Variants in RALGAPA2 observed in about 807,000 individuals in gnomAD.
The protein encoded by RALGAPA2 is ral GTPase-activating protein subunit alpha-2.
A neutral mutation model predicts 230.4 loss-of-function variants in RALGAPA2; 139 were observed. The ratio of observed to expected loss-of-function variants is 0.60; its 90% CI spans 0.53 to 0.69. RALGAPA2 has a LOEUF of 0.69. Ranked by LOEUF, RALGAPA2 falls within the 30% of genes least tolerant of loss-of-function variation. RALGAPA2 has a pLI of 0.00. For missense variants in RALGAPA2, 2,163 were observed against 2,276.0 expected (o/e 0.95, Z 1.01); for synonymous variants, 847 against 837.8 (o/e 1.01, Z -0.19).
intron 25 of RALGAPA2, 91 bp from the exon 26 acceptor site, chr20:20,535,894 T>A: frequency 6.9e-7 from 1 of 1,456,364 alleles, no homozygotes; most frequent in Non-Finnish European, 9.1e-7. Context: ...CAGGAGCTAC[T>A]GAAGTTCGAC....
intron 13 of RALGAPA2, 122 bp from the exon 14 acceptor site, chr20:20,611,548 AT>A (rs1464658838): frequency 1.0e-4 from 145 of 1,405,514 alleles, no homozygotes; most frequent in Non-Finnish European, 1.3e-4. Context: ...ACTCGAAACT[AT>A]TAAAGTCCAG....
At chr20:20,547,577 C>T (rs1296284925) in intron 23 of RALGAPA2, among the ~76,000 whole-genome samples, 5 of 152,192 alleles carry the variant, frequency 3.3e-5, no homozygotes. Flanking sequence ...ATCAGGGGTC[C>T]ACCACTGGAC....
chr20:20,440,261 T>C lies in RALGAPA2; in HGVS notation c.5496-28113A>G, dbSNP rs6106249. On this transcript the variant is annotated intron_variant, in intron 37 of 39. Transcript: ENST00000202677. ...AAGAAACAGGGTATTTGGGTTACTA[T>C]GGAATTCGGGCCAAAATAAAGTTTT... Among the ~76,000 whole-genome samples, 453 of 152,318 alleles carry C rather than the reference T, an allele frequency of 3.0e-3. 3 individuals are homozygous for C. Among genetic ancestry groups the C allele is most frequent in the African/African-American group, 0.01 (430 of 41,564 alleles).
intron 38 of RALGAPA2, among the ~76,000 whole-genome samples, chr20:20,405,619 G>A (rs899636760): frequency 1.3e-5 from 2 of 152,210 alleles, no homozygotes; most frequent in African/African-American, 4.8e-5. Context: ...AGCCTAAAGT[G>A]GTGCTAAACA....
intron 37 of RALGAPA2, among the ~76,000 whole-genome samples, chr20:20,415,242 T>C (rs533665286): frequency 6.6e-6 from 1 of 152,320 alleles, no homozygotes; most frequent in African/African-American, 2.4e-5. Flanking sequence ...GCTTTTCACA[T>C]GTAAGACATG....
chr20:20,545,252 G>C (rs940009005), intron 24 of RALGAPA2, among the ~76,000 whole-genome samples: 1 of 151,676 alleles, frequency 6.6e-6, no homozygotes, highest in Non-Finnish European at 1.5e-5. Context: ...TTAAGAGATG[G>C]GGTCTTGTTA....
intron 36 of RALGAPA2, among the ~76,000 whole-genome samples, chr20:20,489,628 T>C (rs899088843): frequency 2.0e-5 from 3 of 151,718 alleles, no homozygotes; most frequent in East Asian, 1.9e-4. Context: ...AAGTATAGCA[T>C]AGAAAATACT....
chr20:20,712,457 C>T lies in RALGAPA2; in HGVS notation c.24G>A (p.Gly8=). The change falls in exon 1 of 40, where the codon GGG becomes GGA. Residue 8 remains glycine (G), a synonymous_variant. Transcript: ENST00000202677. This position sits in a 1 kb window ranked among gnomAD's most constrained non-coding sequence, Gnocchi z 5.5. ...CCTTCTGGGTGGACTTCTTCACATC[C>T]CCGTGGCTCCTTCGGGAGAACATCC... is the stretch of plus-strand genomic sequence containing the variant. MFSRRSH[G]DVKKSTQKVL... is the part of the protein sequence containing the mutation. The T allele has an allele frequency of 6.4e-7, 1 of 1,552,434 alleles. No homozygotes were observed. The highest frequency in any genetic ancestry group is 8.7e-7 in the Non-Finnish European group (1 of 1,147,652).
chr20:20,468,882 C>T (rs1478929547), intron 37 of RALGAPA2, among the ~76,000 whole-genome samples: 1 of 152,086 alleles, frequency 6.6e-6, no homozygotes, highest in Non-Finnish European at 1.5e-5. Context: ...TTCGACGAGA[C>T]CCCTGCTCTC....
At chr20:20,407,782 C>G (rs2059976094) in intron 38 of RALGAPA2, among the ~76,000 whole-genome samples, 1 of 152,134 alleles carries the variant, frequency 6.6e-6, no homozygotes, top group African/African-American at 2.4e-5. Flanking sequence ...CAATAATAAC[C>G]CTTTCCACGA....
chr20:20,660,116 C>A (rs991284409), intron 3 of RALGAPA2, among the ~76,000 whole-genome samples: 1 of 151,918 alleles, frequency 6.6e-6, no homozygotes. Flanking sequence ...GCCGTGATGG[C>A]GCACACCTGT....
rs2064802582 is a variant in RALGAPA2, at chr20:20,575,842, T to C, written c.2708-2774A>G. Among the ~76,000 whole-genome samples the C allele has an allele frequency of 2.0e-5, 3 of 152,192 alleles. No homozygotes were observed. The South Asian group carries it at 6.2e-4, about 31-fold the overall frequency. On this transcript the variant is annotated intron_variant, in intron 20 of 39. Transcript: ENST00000202677. Reference sequence around the variant, plus strand: ...AAGAAGTTGGTTGCTACTGTCTTTCTCCTGCCATCTTTGTCCTTGTGGATT... The same window carrying C: ...AAGAAGTTGGTTGCTACTGTCTTTCCCCTGCCATCTTTGTCCTTGTGGATT...
chr20:20,590,707 G>A (rs1415667705), intron 17 of RALGAPA2, among the ~76,000 whole-genome samples: 3 of 152,140 alleles, frequency 2.0e-5, no homozygotes, highest in Admixed American at 6.5e-5. Context: ...TTCCATCTCA[G>A]CAGAGTCGGC....
At chr20:20,397,799 C>A (rs976543845) in intron 38 of RALGAPA2, among the ~76,000 whole-genome samples, 18 of 152,190 alleles carry the variant, frequency 1.2e-4, no homozygotes, top group Non-Finnish European at 2.4e-4. Flanking sequence ...ATGGAGACAT[C>A]TTTTCCAATC....
chr20:20,582,367 C>T (rs2065013711), intron 20 of RALGAPA2, among the ~76,000 whole-genome samples: 5 of 152,060 alleles, frequency 3.3e-5, no homozygotes, highest in Admixed American at 2.6e-4. Flanking sequence ...TAGCTCAAGG[C>T]CACCCAGCAA....
chr20:20,540,196 T>C (rs1273399118), intron 24 of RALGAPA2, among the ~76,000 whole-genome samples: 2 of 152,228 alleles, frequency 1.3e-5, no homozygotes, highest in Non-Finnish European at 2.9e-5. Context: ...CTGTTTTCCA[T>C]AATGGCTGCA....
intron 38 of RALGAPA2, among the ~76,000 whole-genome samples, chr20:20,404,741 G>A (rs1189741469): frequency 6.6e-6 from 1 of 152,208 alleles, no homozygotes; most frequent in Non-Finnish European, 1.5e-5. Context: ...GCTGTAATTA[G>A]CAGTCAGGCA....
chr20:20,528,923 T>A (rs1049330806), intron 27 of RALGAPA2, among the ~76,000 whole-genome samples: 5 of 152,220 alleles, frequency 3.3e-5, no homozygotes, highest in Non-Finnish European at 7.4e-5. Context: ...CTCTCCCTCC[T>A]GGCAGAGCCC....
At chr20:20,683,652 T>G (rs992574298) in intron 1 of RALGAPA2, among the ~76,000 whole-genome samples, 1 of 152,184 alleles carries the variant, frequency 6.6e-6, no homozygotes, top group Non-Finnish European at 1.5e-5. Flanking sequence ...CCTGCTTACA[T>G]AACAGCAGAA....
Sources: allele counts gnomAD v4.1 joint callset (sites outside exome capture counted in the v4.1 genomes callset), GRCh38; gene constraint gnomAD v4.1.1; non-coding constraint Gnocchi (gnomAD v3.1); transcripts MANE v1.5; gene names NCBI Gene and HGNC (gene_info 2026-07-23, HGNC 2026-07-21).